Variants in MALRD1 observed in about 807,000 individuals in gnomAD.
MALRD1 encodes MAM and LDL-receptor class A domain-containing protein 1.
Under a neutral mutation model 242.1 loss-of-function variants are expected in MALRD1, and 247 were observed. The ratio of observed to expected loss-of-function variants is 1.02; its 90% CI spans 0.92 to 1.13. The LOEUF (loss-of-function observed/expected upper bound fraction) is 1.13. Among genes scored for constraint, MALRD1 ranks in the 50% most tolerant of loss-of-function variants. The pLI is 0.00. For synonymous variants in MALRD1, 995 were observed against 866.6 expected (o/e 1.15, Z -2.60); for missense variants, 2,989 against 2,533.1 (o/e 1.18, Z -3.86).
At chr10:19,510,156 A>G (rs1324759319) in intron 31 of MALRD1, among the ~76,000 whole-genome samples, 1 of 152,176 alleles carries the variant, frequency 6.6e-6, no homozygotes, top group Admixed American at 6.5e-5. Flanking sequence ...TCAATGCCTT[A>G]AAGAGCCAGC....
chr10:19,200,652 T>TG (rs1218290371), intron 14 of MALRD1, among the ~76,000 whole-genome samples: 1,159 of 95,830 alleles, frequency 0.012, 34 homozygotes, highest in African/African-American at 0.036. Context: ...GAGGTTTTTT[T>TG]TTTTTTTTTT....
chr10:19,359,665 G>C (rs1844802025), intron 26 of MALRD1, among the ~76,000 whole-genome samples: 1 of 151,350 alleles, frequency 6.6e-6, no homozygotes, highest in African/African-American at 2.4e-5. Context: ...GGAGAGGAAA[G>C]CAAAGCAAGT....
At chr10:19,375,939 T>C (rs1406813132) in intron 26 of MALRD1, among the ~76,000 whole-genome samples, 1 of 152,112 alleles carries the variant, frequency 6.6e-6, no homozygotes, top group Non-Finnish European at 1.5e-5. Context: ...CTGGCCAGTG[T>C]GGTGAAACCA....
At chr10:19,111,713 G>A (rs1836686334) in intron 5 of MALRD1, among the ~76,000 whole-genome samples, 1 of 152,212 alleles carries the variant, frequency 6.6e-6, no homozygotes, top group Admixed American at 6.5e-5. Flanking sequence ...ATGCTGCAAA[G>A]GAAGTAGTTT....
chr10:19,692,160 G>A (rs1341250211), intron 36 of MALRD1, 122 bp from the exon 37 acceptor site: 2 of 756,550 alleles, frequency 2.6e-6, no homozygotes, highest in Non-Finnish European at 2.0e-6. Flanking sequence ...TTTTATCAAA[G>A]TTATCCATGT....
At chr10:19,682,888 C>A (rs1279439532) in intron 36 of MALRD1, among the ~76,000 whole-genome samples, 2 of 152,164 alleles carry the variant, frequency 1.3e-5, no homozygotes, top group South Asian at 2.1e-4. Context: ...GAAACCTCAT[C>A]TGGGCATGGG....
At chr10:19,465,407 T>G (rs879511152) in intron 29 of MALRD1, among the ~76,000 whole-genome samples, 32 of 152,206 alleles carry the variant, frequency 2.1e-4, no homozygotes, top group Non-Finnish European at 4.0e-4. Context: ...AAGTATGACT[T>G]TAACATATAT....
intron 21 of MALRD1, among the ~76,000 whole-genome samples, chr10:19,312,386 ATATATATATATATATGTG>A (rs1842466257): frequency 6.9e-6 from 1 of 145,510 alleles, no homozygotes; most frequent in Non-Finnish European, 1.5e-5. Flanking sequence ...GTGTATATAT[ATATATATATATATATGTG>A]TATATGTGTG....
At chr10:19,316,409 G>T (rs1842709198) in intron 21 of MALRD1, among the ~76,000 whole-genome samples, 1 of 151,774 alleles carries the variant, frequency 6.6e-6, no homozygotes, top group African/African-American at 2.4e-5. Flanking sequence ...TATGGGGTTG[G>T]CCAGAGCTGT....
At chr10:19,237,392 T>G (rs1040973108) in intron 18 of MALRD1, among the ~76,000 whole-genome samples, 1 of 150,070 alleles carries the variant, frequency 6.7e-6, no homozygotes, top group Non-Finnish European at 1.5e-5. Flanking sequence ...ATGCGGTATT[T>G]GCTTTCTGTG....
At position 19,352,234 on chromosome 10, in the gene MALRD1, A is replaced by G. The variant is rs944264807; in HGVS notation, c.4378A>G (p.Thr1460Ala). The change falls in exon 26 of 40, where the codon ACA (threonine) becomes GCA (alanine). Residue 1460 changes from threonine to alanine, a missense_variant. By Grantham distance (58) the Thr-to-Ala change is moderately conservative. Transcript: ENST00000454679. ...GDIALDDIVL[T>A]ENCLSLHDSV... ...CATTGCACTTGATGACATTGTGCTT[A>G]CAGAAAATTGTCTATCACTCCATGA... 4 of 1,550,440 alleles carry G rather than the reference A, an allele frequency of 2.6e-6. No homozygotes were observed. The highest frequency in any genetic ancestry group is 1.7e-4 in the Middle Eastern group (1 of 5,986).
chr10:19,327,609 C>T lies in MALRD1; in HGVS notation c.3623C>T (p.Thr1208Ile), dbSNP rs1205563795. The T allele has an allele frequency of 2.6e-6, 4 of 1,549,962 alleles. No homozygotes were observed. The East Asian group carries it at 9.8e-5, about 38-fold the overall frequency. The change falls in exon 23 of 40, where the codon ACT (threonine) becomes ATT (isoleucine). Residue 1208 changes from threonine to isoleucine, a missense_variant. Coordinates refer to ENST00000454679, the MANE Select transcript of MALRD1 (RefSeq NM_001142308.3). ...GTTACTTCTAAATTGTGGGCTCAAA[C>T]TGGACAGCAAGGTGCACAGTGGAAG... ...DNVTSKLWAQ[T>I]GQQGAQWKRA...
At chr10:19,339,312 C>CT (rs1440832494) in intron 24 of MALRD1, among the ~76,000 whole-genome samples, 2 of 152,096 alleles carry the variant, frequency 1.3e-5, no homozygotes, top group African/African-American at 2.4e-5. Flanking sequence ...AATGTGTTTA[C>CT]TAGCTGCTCA....
chr10:19,581,454 A>G (rs1430330402), intron 33 of MALRD1, among the ~76,000 whole-genome samples: 1 of 149,762 alleles, frequency 6.7e-6, no homozygotes, highest in Non-Finnish European at 1.5e-5. Flanking sequence ...CCACCTATGA[A>G]TGAGAATATG....
At chr10:19,463,575 TGTGTGTGTGTGTGTG>T (rs1221958350) in intron 29 of MALRD1, among the ~76,000 whole-genome samples, 105 of 151,178 alleles carry the variant, frequency 6.9e-4, no homozygotes, top group Admixed American at 4.2e-3. Context: ...TGTGTGTGTG[TGTGTGTGTGTGTGTG>T]TATATACTCT....
chr10:19,221,673 T>C (rs996600969), intron 18 of MALRD1, among the ~76,000 whole-genome samples: 1 of 152,136 alleles, frequency 6.6e-6, no homozygotes, highest in East Asian at 1.9e-4. Flanking sequence ...GATGTCTTGA[T>C]AGGTTTATTA....
chr10:19,331,153 A>G (rs1588921702), intron 23 of MALRD1, among the ~76,000 whole-genome samples: 1 of 152,148 alleles, frequency 6.6e-6, no homozygotes, highest in African/African-American at 2.4e-5. Context: ...TGGTGTTGCC[A>G]CTCCCACATT....
At chr10:19,171,511 T>A (rs1435929816) in intron 13 of MALRD1, among the ~76,000 whole-genome samples, 1 of 144,212 alleles carries the variant, frequency 6.9e-6, no homozygotes, top group Non-Finnish European at 1.5e-5. Flanking sequence ...TATGTGTCTA[T>A]GTGTGTATAT....
chr10:19,278,253 T>C (rs1444411304), intron 19 of MALRD1, among the ~76,000 whole-genome samples: 4 of 152,240 alleles, frequency 2.6e-5, no homozygotes, highest in Non-Finnish European at 5.9e-5. Flanking sequence ...TCATTGCCCA[T>C]AAAGACCTTG....
Sources: gnomAD v4.1 joint callset for allele counts (sites outside exome capture counted in the v4.1 genomes callset) on GRCh38, gnomAD v4.1.1 for gene constraint, MANE v1.5 for transcripts, NCBI Gene and HGNC (gene_info 2026-07-23, HGNC 2026-07-21) for gene names.